HNRNPH3: variants seen among roughly 807,000 people sequenced by gnomAD.
The protein encoded by HNRNPH3 is heterogeneous nuclear ribonucleoprotein H3, also known as heterogeneous nuclear ribonucleoprotein 2H9.
Under a neutral mutation model 47.0 loss-of-function variants are expected in HNRNPH3, and 7 were observed. The ratio of observed to expected loss-of-function variants is 0.15; its 90% confidence interval spans 0.08 to 0.28. The LOEUF is 0.28. HNRNPH3 is among the 10% of genes least tolerant of loss of function. The pLI is 1.00. For missense variants in HNRNPH3, 279 were observed against 449.6 expected (o/e 0.62, Z 3.43); for synonymous variants, 120 against 143.2 (o/e 0.84, Z 1.16).
intron 5 of HNRNPH3, 23 bp downstream of exon 5, chr10:68,339,249 T>C (rs776110894): frequency 6.4e-7 from 1 of 1,574,608 alleles, no homozygotes; most frequent in Non-Finnish European, 8.7e-7. Flanking sequence ...TTAAAGACAT[T>C]TTTATTCATA....
intron 6 of HNRNPH3, among the ~76,000 whole-genome samples, chr10:68,340,307 C>T (rs1196281574): frequency 2.0e-5 from 3 of 152,118 alleles, no homozygotes; most frequent in African/African-American, 7.2e-5. Context: ...GGATTACAGG[C>T]GTGAGCCACT....
Position 68,339,412 on chromosome 10 carries a change from T to G in HNRNPH3, c.524-28T>G, listed in dbSNP as rs765774452. 11 of 1,588,266 alleles carry G rather than the reference T, an allele frequency of 6.9e-6. No individual in the cohort carries two copies. In the African/African-American group the frequency reaches 1.2e-4, roughly 17 times the overall value. On this transcript the variant is annotated intron_variant, in intron 5 of 9. Coordinates refer to ENST00000265866, the MANE Select transcript of HNRNPH3 (RefSeq NM_012207.3). ...TTCCCTACTTGTATCTGTAATAGTT[T>G]ATAATCTTGGCAAATTGTGTTTTCC... is the stretch of plus-strand genomic sequence containing the variant.
rs1466644506 is a variant in HNRNPH3 at position 68,342,539 on chromosome 10, T to C, written c.*485T>C. The stretch of plus-strand genomic sequence containing the variant: ...TAAAGATGAAGTGGCTTCAGGAGTA[T>C]AAATTCAGCTAATTATTTCTATATT... On this transcript the variant is annotated 3_prime_UTR_variant, in exon 10 of 10. Transcript: ENST00000265866. 6.6e-6 allele frequency: 1 copy of C among 152,532 alleles called. No homozygotes were observed. The highest frequency in any genetic ancestry group is 1.9e-4 in the East Asian group (1 of 5,204). 9.4% of individuals were successfully genotyped at this position (152,532 alleles called of 1,614,324 possible). A position where few individuals can be genotyped will look rare whatever the true frequency, so the allele number is the denominator to read the frequency against.
rs1020219131 is a variant in HNRNPH3 at position 68,338,119 on chromosome 10, T to C, written c.251+123T>C. On this transcript the variant is annotated intron_variant, in intron 3 of 9. Transcript: ENST00000265866. ...GGTAGTTTAAAAGAATTGATAATTA[T>C]CTAAATTTAACTTGGAAACTACAGA... The C allele has an allele frequency of 1.7e-5, 12 of 688,770 alleles. No individual in the cohort carries two copies. The East Asian group carries it at 2.5e-4, about 14-fold the overall frequency. The allele number at this position is 688,770 out of a possible 1,614,324, so 42.7% of individuals were successfully genotyped here.
intron 1 of HNRNPH3, among the ~76,000 whole-genome samples, chr10:68,333,995 CTT>C (rs780128169): frequency 5.3e-5 from 8 of 152,166 alleles, no homozygotes; most frequent in Non-Finnish European, 8.8e-5. Context: ...TTTCTGTCCT[CTT>C]TTCATTTGTG....
At position 68,339,462 on chromosome 10, in the gene HNRNPH3, T is replaced by C; in HGVS notation, c.546T>C (p.Gly182=). ...CAGGTATGGGAGGACATGGCTATGG[T>C]GGAGCTGGTGATGCAAGTTCAGGTT... ...DGRGMGGHGY[G]GAGDASSGFH... Residue 182 remains glycine, a synonymous_variant, in exon 6 of 10, where the codon GGT becomes GGC. Coordinates refer to ENST00000265866, the MANE Select transcript of HNRNPH3 (RefSeq NM_012207.3). 1 of 1,613,750 alleles carries C rather than the reference T, an allele frequency of 6.2e-7. No homozygotes were observed. Among genetic ancestry groups the C allele is most frequent in the Non-Finnish European group, 8.5e-7 (1 of 1,179,672 alleles).
chr10:68,342,305 C>T lies in HNRNPH3; in HGVS notation c.*251C>T, dbSNP rs1352756585. ...GTTGATACTTTTTATATACTAGTTA[C>T]TCCTAAAGATGTGCTGCCTTCATAA... On this transcript the variant is annotated 3_prime_UTR_variant, in exon 10 of 10. Coordinates refer to ENST00000265866, the MANE Select transcript of HNRNPH3 (RefSeq NM_012207.3). 8.0e-6 allele frequency: 3 copies of T among 374,540 alleles called. No homozygotes were observed. The highest frequency in any genetic ancestry group is 1.4e-5 in the Non-Finnish European group (3 of 208,100). 23.2% of individuals were successfully genotyped at this position (374,540 alleles called of 1,614,324 possible).
rs1283827963 is a variant in HNRNPH3, at chr10:68,339,148, G to T, written c.445G>T (p.Gly149Cys). Residue 149 changes from glycine (G) to cysteine (C), a missense_variant, in exon 5 of 10, where the codon GGT becomes TGT. By Grantham distance (159) the Gly-to-Cys change is radical. Transcript: ENST00000265866. Reference protein sequence around the residue: ...GGDGYDGGYGGFDDYGGYNNY... With the variant: ...GGDGYDGGYGCFDDYGGYNNY... ...CTCCTTAAATTACACAGGTTATGGA[G>T]GTTTTGATGACTATGGTGGCTATAA... is the stretch of plus-strand genomic sequence containing the variant. The T allele has an allele frequency of 2.0e-5, 32 of 1,607,616 alleles. No individual in the cohort carries two copies. Among genetic ancestry groups the T allele is most frequent in the Non-Finnish European group, 2.7e-5 (32 of 1,174,548 alleles).
Position 68,337,827 on chromosome 10 carries a change from C to A in HNRNPH3, c.113-31C>A. 1 of 1,579,244 alleles carries A rather than the reference C, an allele frequency of 6.3e-7. No individual in the cohort carries two copies. Among genetic ancestry groups the A allele is most frequent in the Non-Finnish European group, 8.7e-7 (1 of 1,154,422 alleles). ...TGTTTCAGCCTTTAACACTGTTCCC[C>A]TTGATGGGGTTATTTGTCCTTGGGT... On this transcript the variant is annotated intron_variant, in intron 2 of 9. Transcript: ENST00000265866. The surrounding 1 kb of genome is among the most constrained non-coding windows in gnomAD (Gnocchi z 4.5).
upstream of HNRNPH3, chr10:68,332,063 C>G (rs1395749657): frequency 6.6e-6 from 1 of 152,656 alleles, no homozygotes; most frequent in Non-Finnish European, 1.5e-5. Context: ...CCCCCCAAGC[C>G]AGTAGCTGTG....
At chr10:68,334,549 T>G (rs1006921375) in intron 1 of HNRNPH3, among the ~76,000 whole-genome samples, 2 of 152,226 alleles carry the variant, frequency 1.3e-5, no homozygotes, top group Admixed American at 1.3e-4. Flanking sequence ...TCCAAAAAGA[T>G]ATCCATACCC....
At position 68,338,664 on chromosome 10, in the gene HNRNPH3, G is replaced by A. The variant is rs774282246; in HGVS notation, c.413G>A (p.Arg138Gln). The A allele has an allele frequency of 1.6e-5, 25 of 1,598,692 alleles. No individual in the cohort carries two copies. The highest frequency in any genetic ancestry group is 2.0e-5 in the Non-Finnish European group (24 of 1,172,732). Residue 138 changes from arginine to glutamine, a missense_variant, in exon 4 of 10, where the codon CGA becomes CAA. Transcript: ENST00000265866. ...GGAAGTATGTATGACAGAATGCGAC[G>A]AGGAGGTGATGGATATGATGGTGGT... The part of the protein sequence containing the change: ...GRGSMYDRMR[R>Q]GGDGYDGGYG...
chr10:68,338,457 T>C, intron 3 of HNRNPH3, 46 bp from the exon 4 acceptor site: 1 of 1,284,214 alleles, frequency 7.8e-7, no homozygotes, highest in Non-Finnish European at 1.1e-6. Flanking sequence ...TAATTTACAC[T>C]AATACATTTA....
chr10:68,334,912 G>C (rs567776748), intron 1 of HNRNPH3, among the ~76,000 whole-genome samples: 1 of 152,122 alleles, frequency 6.6e-6, no homozygotes, highest in Non-Finnish European at 1.5e-5. Flanking sequence ...TGTGCCCTTA[G>C]AGTTTTTCTT....
Position 68,341,816 on chromosome 10 carries a change from G to A in HNRNPH3, c.929G>A (p.Gly310Glu), listed in dbSNP as rs2045972348. The A allele has an allele frequency of 6.2e-7, 1 of 1,611,312 alleles. No homozygotes were observed. Among genetic ancestry groups the A allele is most frequent in the Non-Finnish European group, 8.5e-7 (1 of 1,178,664 alleles). The part of the protein sequence containing the change: ...GRMGMGNNYS[G>E]GYGTPDGLGG... Reference sequence around the variant, plus strand: ...ATGGGAATGGGGAACAATTACAGTGGAGGATATGGTACTCCTGATGGTTTG... The same window carrying A: ...ATGGGAATGGGGAACAATTACAGTGAAGGATATGGTACTCCTGATGGTTTG... The change falls in exon 9 of 10, where the codon GGA becomes GAA. Residue 310 changes from glycine (G) to glutamate (E), a missense_variant. By Grantham distance (98) the Gly-to-Glu change is moderately conservative. Around this residue, in one of 2 missense-constraint regions of HNRNPH3, gnomAD observed 239 missense variants for 335.8 expected, o/e 0.71. Coordinates refer to ENST00000265866, the MANE Select transcript of HNRNPH3 (RefSeq NM_012207.3).
At chr10:68,332,438 C>T (rs1291106657) in intron 1 of HNRNPH3, among the ~76,000 whole-genome samples, 4 of 152,220 alleles carry the variant, frequency 2.6e-5, no homozygotes, top group African/African-American at 9.6e-5. Flanking sequence ...CAGTGGACGA[C>T]GCCGAGGCCC....
chr10:68,338,986 C>A, intron 4 of HNRNPH3, 154 bp from the exon 5 acceptor site: 1 of 564,872 alleles, frequency 1.8e-6, no homozygotes, highest in Non-Finnish European at 3.0e-6. Flanking sequence ...AAATTTCCAT[C>A]ACGTTGACTG....
chr10:68,333,357 C>T (rs1379866279), intron 1 of HNRNPH3, among the ~76,000 whole-genome samples: 1 of 152,044 alleles, frequency 6.6e-6, no homozygotes, highest in African/African-American at 2.4e-5. Flanking sequence ...TTAAGTTTTA[C>T]TTTTGGGAAA....
At chr10:68,335,622 G>T (rs887040384) in intron 1 of HNRNPH3, among the ~76,000 whole-genome samples, 5 of 151,994 alleles carry the variant, frequency 3.3e-5, no homozygotes, top group African/African-American at 1.2e-4. Flanking sequence ...ATTGTTTTCT[G>T]TCCTTCAGGG....
Sources: allele counts gnomAD v4.1 joint callset (sites outside exome capture counted in the v4.1 genomes callset), GRCh38; gene constraint gnomAD v4.1.1; regional missense constraint gnomAD v4.1.1; non-coding constraint Gnocchi (gnomAD v3.1); transcripts MANE v1.5; gene names NCBI Gene and HGNC (gene_info 2026-07-23, HGNC 2026-07-21).